Variants in ADISSP observed in about 807,000 individuals in gnomAD.
The protein encoded by ADISSP is adipose-secreted signaling protein.
the ADISSP span, among the ~76,000 whole-genome samples, chr20:3,765,339 C>T: frequency 7.9e-5 from 12 of 152,198 alleles, no homozygotes; most frequent in Admixed American, 3.9e-4. Flanking sequence ...CAACCAAGGC[C>T]TCACCATGGC....
the ADISSP span, chr20:3,760,165 C>T: frequency 3.0e-6 from 4 of 1,347,732 alleles, no homozygotes; most frequent in Non-Finnish European, 4.2e-6. Flanking sequence ...GCCTCCCATG[C>T]TCCAGGGACA....
At chr20:3,759,119 GCCCATCCTCATGA>G in the ADISSP span, among the ~76,000 whole-genome samples, 1 of 152,222 alleles carries the variant, frequency 6.6e-6, no homozygotes, top group Non-Finnish European at 1.5e-5. The surrounding 1 kb of genome is among the most constrained non-coding windows in gnomAD (Gnocchi z 4.6). Context: ...GCCCCTGCCT[GCCCATCCTCATGA>G]CCCAAACCTG....
chr20:3,761,151 G>A, the ADISSP span, among the ~76,000 whole-genome samples: 2 of 152,008 alleles, frequency 1.3e-5, no homozygotes, highest in African/African-American at 4.8e-5. Context: ...CTCTTCTTTC[G>A]GAAAGAATTC....
At chr20:3,760,621 G>A in the ADISSP span, among the ~76,000 whole-genome samples, 1 of 152,308 alleles carries the variant, frequency 6.6e-6, no homozygotes, top group African/African-American at 2.4e-5. Context: ...AGCTGGGTGC[G>A]GTCAGAGGCA....
the ADISSP span, among the ~76,000 whole-genome samples, chr20:3,756,451 A>T: frequency 4.2e-5 from 1 of 23,780 alleles, no homozygotes; most frequent in African/African-American, 1.3e-4. Flanking sequence ...GTGCCACGCC[A>T]GCAGGCAAAG....
chr20:3,764,576 C>T, the ADISSP span, among the ~76,000 whole-genome samples: 2 of 152,234 alleles, frequency 1.3e-5, no homozygotes, highest in Admixed American at 1.3e-4. Context: ...AGGACTACAG[C>T]TCTTTTTGGA....
At chr20:3,754,017 G>A in the ADISSP span, 1 of 1,483,260 alleles carries the variant, frequency 6.7e-7, no homozygotes, top group Non-Finnish European at 9.4e-7. Flanking sequence ...ACAAGGCGGG[G>A]TTTAAGGCTG....
the ADISSP span, among the ~76,000 whole-genome samples, chr20:3,765,205 C>G: frequency 4.9e-4 from 74 of 152,342 alleles, no homozygotes; most frequent in African/African-American, 7.7e-4. Context: ...TGTGCACACA[C>G]AATTCCTCAT....
the ADISSP span, among the ~76,000 whole-genome samples, chr20:3,758,339 T>C: frequency 6.6e-6 from 1 of 152,220 alleles, no homozygotes; most frequent in African/African-American, 2.4e-5. This position sits in a 1 kb window ranked among gnomAD's most constrained non-coding sequence, Gnocchi z 5.5. Context: ...CTGCTCATCT[T>C]GATCTGGATG....
At chr20:3,754,129 C>T in the ADISSP span, 3 of 1,613,218 alleles carry the variant, frequency 1.9e-6, no homozygotes, top group African/African-American at 2.7e-5. Context: ...TTGACACCAT[C>T]CAGCAGCATG....
chr20:3,757,263 T>C, the ADISSP span, among the ~76,000 whole-genome samples: 1 of 151,984 alleles, frequency 6.6e-6, no homozygotes, highest in Non-Finnish European at 1.5e-5. Flanking sequence ...GGCAGGAGAA[T>C]TGCTTGAACC....
chr20:3,763,614 T>G, the ADISSP span, among the ~76,000 whole-genome samples: 1 of 151,334 alleles, frequency 6.6e-6, no homozygotes. Context: ...GGCCTGGATA[T>G]GAGGTAACAC....
At chr20:3,762,057 A>G in the ADISSP span, among the ~76,000 whole-genome samples, 16 of 152,258 alleles carry the variant, frequency 1.1e-4, no homozygotes, top group African/African-American at 3.4e-4. Flanking sequence ...ACGGATCACA[A>G]GGTAAGGAGT....
the ADISSP span, chr20:3,759,929 A>G: frequency 7.7e-7 from 1 of 1,293,230 alleles, no homozygotes; most frequent in Admixed American, 1.7e-5. The surrounding 1 kb of genome is among the most constrained non-coding windows in gnomAD (Gnocchi z 4.6). Flanking sequence ...ACACTGACAT[A>G]GTCCCAATCA....
chr20:3,754,425 C>T, the ADISSP span: 1 of 1,613,970 alleles, frequency 6.2e-7, no homozygotes, highest in Non-Finnish European at 8.5e-7. Flanking sequence ...CCGTCACGCG[C>T]ACACAGGTGC....
chr20:3,762,524 C>G, the ADISSP span, among the ~76,000 whole-genome samples: 2 of 152,158 alleles, frequency 1.3e-5, no homozygotes, highest in Non-Finnish European at 2.9e-5. Flanking sequence ...CCACGCACCA[C>G]CATGCCCGGC....
chr20:3,764,273 G>A, the ADISSP span, among the ~76,000 whole-genome samples: 1 of 152,210 alleles, frequency 6.6e-6, no homozygotes, highest in Non-Finnish European at 1.5e-5. Context: ...ACAGCCCAGT[G>A]TCCTCAAGGT....
the ADISSP span, chr20:3,758,451 G>A: frequency 3.8e-6 from 5 of 1,320,608 alleles, no homozygotes; most frequent in Non-Finnish European, 5.3e-6. This position sits in a 1 kb window ranked among gnomAD's most constrained non-coding sequence, Gnocchi z 5.5. Context: ...TATAAGCCCG[G>A]CTGAGAGGAA....
chr20:3,755,613 G>A, the ADISSP span: 1 of 1,587,858 alleles, frequency 6.3e-7, no homozygotes, highest in South Asian at 1.1e-5. Flanking sequence ...CCAACCTACA[G>A]CAGGAGAGGT....
Sources: allele counts gnomAD v4.1 joint callset (sites outside exome capture counted in the v4.1 genomes callset), GRCh38; gene constraint gnomAD v4.1.1; non-coding constraint Gnocchi (gnomAD v3.1); transcripts MANE v1.5; gene names NCBI Gene and HGNC (gene_info 2026-07-23, HGNC 2026-07-21).